The following NT5DC1 variants were observed in gnomAD, a reference collection of about 807,000 sequenced individuals.
NT5DC1 encodes 5'-nucleotidase domain-containing protein 1.
In NT5DC1, 42 loss-of-function variants were observed where a neutral mutation model predicts 59.4. The observed-to-expected ratio is 0.71, with a 90% confidence interval of 0.55 to 0.92. The LOEUF (loss-of-function observed/expected upper bound fraction) is 0.92. Among genes scored for constraint, NT5DC1 ranks in the 40% least tolerant of loss-of-function variants. NT5DC1 has a pLI of 0.00. For synonymous variants in NT5DC1, 172 were observed against 188.1 expected, an observed-to-expected ratio of 0.91 and a Z score of 0.70; for missense variants, 501 against 537.1, an observed-to-expected ratio of 0.93 and a Z score of 0.66.
intron 6 of NT5DC1, among the ~76,000 whole-genome samples, chr6:116,210,497 T>G (rs1353212554): frequency 6.6e-6 from 1 of 151,942 alleles, no homozygotes. Context: ...TTCTGCCACA[T>G]GGTAGCTGTG....
At chr6:116,117,439 A>G (rs772870400) in intron 5 of NT5DC1, among the ~76,000 whole-genome samples, 3 of 152,206 alleles carry the variant, frequency 2.0e-5, no homozygotes, top group African/African-American at 7.2e-5. Context: ...TCCCTAACTT[A>G]TGATGGGGTT....
chr6:116,109,646 T>A (rs1367566743), intron 3 of NT5DC1, among the ~76,000 whole-genome samples: 1 of 152,232 alleles, frequency 6.6e-6, no homozygotes, highest in Non-Finnish European at 1.5e-5. Flanking sequence ...ACCAGTGTAG[T>A]AGATTCCTTT....
At chr6:116,135,872 T>TATATATACACACAC (rs368675402) in intron 6 of NT5DC1, among the ~76,000 whole-genome samples, 14 of 121,296 alleles carry the variant, frequency 1.2e-4, no homozygotes, top group African/African-American at 4.2e-4. Flanking sequence ...TATATATATA[T>TATATATACACACAC]ACACACATAC....
chr6:116,136,447 AT>A (rs761061952), intron 6 of NT5DC1, among the ~76,000 whole-genome samples: 11 of 148,956 alleles, frequency 7.4e-5, no homozygotes, highest in Non-Finnish European at 1.3e-4. Flanking sequence ...GGTTATAGCT[AT>A]TTTTTTTAAG....
At chr6:116,117,242 T>C (rs554919038) in intron 5 of NT5DC1, among the ~76,000 whole-genome samples, 3 of 152,324 alleles carry the variant, frequency 2.0e-5, no homozygotes, top group East Asian at 3.9e-4. Flanking sequence ...TTTTAGACTT[T>C]ATAACGAGTG....
At chr6:116,237,382 CTT>C (rs1208155071) in intron 9 of NT5DC1, 1 of 521,846 alleles carries the variant, frequency 1.9e-6, no homozygotes, top group Non-Finnish European at 3.7e-6. Context: ...TAAAGATACA[CTT>C]GTTTTTGACA....
At chr6:116,153,753 A>G (rs1180173888) in intron 6 of NT5DC1, among the ~76,000 whole-genome samples, 1 of 152,036 alleles carries the variant, frequency 6.6e-6, no homozygotes, top group East Asian at 1.9e-4. Flanking sequence ...AGTCATATTC[A>G]TTTTTATGTT....
At chr6:116,106,157 G>A (rs1778762641) in intron 1 of NT5DC1, 87 bp from the exon 2 acceptor site, 5 of 776,326 alleles carry the variant, frequency 6.4e-6, no homozygotes, top group Non-Finnish European at 1.2e-5. Context: ...GCCCCCATCA[G>A]CAATTCCATT....
intron 6 of NT5DC1, among the ~76,000 whole-genome samples, chr6:116,198,530 G>A (rs1273164335): frequency 6.6e-6 from 1 of 151,816 alleles, no homozygotes; most frequent in Non-Finnish European, 1.5e-5. Flanking sequence ...AGGAGTTCAA[G>A]ACTAGCCTGG....
chr6:116,239,573 C>G (rs1258288755), intron 11 of NT5DC1, among the ~76,000 whole-genome samples: 2 of 152,108 alleles, frequency 1.3e-5, no homozygotes, highest in Non-Finnish European at 1.5e-5. Flanking sequence ...TATGTTGAGG[C>G]CTTGAAGGGC....
chr6:116,238,324 T>G lies in NT5DC1; in HGVS notation c.1059T>G (p.Pro353=). Residue 353 remains proline, a synonymous_variant, in exon 10 of 12, where the codon CCT becomes CCG. Transcript: ENST00000319550. ...GTCAGAGGCCTGAGGAGTCAGAGCC[T>G]CTAGAGAAGAAAGGAAAATATGAGG... ...TRSQRPEESE[P]LEKKGKYEGP... 6.2e-7 allele frequency: 1 copy of G among 1,600,404 alleles called. No individual in the cohort carries two copies. Among genetic ancestry groups the G allele is most frequent in the African/African-American group, 1.3e-5 (1 of 74,096 alleles).
chr6:116,193,850 C>G (rs1384850255), intron 6 of NT5DC1, among the ~76,000 whole-genome samples: 1 of 151,958 alleles, frequency 6.6e-6, no homozygotes, highest in Non-Finnish European at 1.5e-5. Context: ...ACAGGCAGAT[C>G]ACTTGAGCCC....
At chr6:116,216,788 TG>T (rs1415396392) in intron 6 of NT5DC1, among the ~76,000 whole-genome samples, 1 of 152,180 alleles carries the variant, frequency 6.6e-6, no homozygotes, top group East Asian at 1.9e-4. Flanking sequence ...AATATTTCAG[TG>T]TCTCTTAGCA....
At chr6:116,197,333 T>C (rs570877408) in intron 6 of NT5DC1, among the ~76,000 whole-genome samples, 1 of 152,112 alleles carries the variant, frequency 6.6e-6, no homozygotes. Flanking sequence ...TAACTGAACA[T>C]TTTACAAAAT....
At chr6:116,169,113 G>A (rs144442280) in intron 6 of NT5DC1, among the ~76,000 whole-genome samples, 1 of 152,232 alleles carries the variant, frequency 6.6e-6, no homozygotes, top group East Asian at 1.9e-4. Context: ...TCTTGAAGTT[G>A]GTGTTACTGC....
chr6:116,202,766 A>G (rs1361849575), intron 6 of NT5DC1, among the ~76,000 whole-genome samples: 1 of 152,036 alleles, frequency 6.6e-6, no homozygotes, highest in East Asian at 1.9e-4. Flanking sequence ...TAAGACAATG[A>G]CAGCTATTTT....
At chr6:116,173,467 A>G (rs1159655081) in intron 6 of NT5DC1, among the ~76,000 whole-genome samples, 1 of 152,156 alleles carries the variant, frequency 6.6e-6, no homozygotes, top group Non-Finnish European at 1.5e-5. Context: ...TGAGAGAGGT[A>G]GGCAGCCTGT....
At chr6:116,159,748 A>G (rs942963778) in intron 6 of NT5DC1, among the ~76,000 whole-genome samples, 7 of 152,226 alleles carry the variant, frequency 4.6e-5, no homozygotes, top group Non-Finnish European at 8.8e-5. Flanking sequence ...CACTGTACCA[A>G]GTAAGTAACT....
chr6:116,187,979 A>T (rs1400385955), intron 6 of NT5DC1, among the ~76,000 whole-genome samples: 1 of 152,076 alleles, frequency 6.6e-6, no homozygotes, highest in African/African-American at 2.4e-5. Flanking sequence ...ATCTAGTGTA[A>T]AAAAGACCTA....
Sources: gnomAD v4.1 joint callset for allele counts (sites outside exome capture counted in the v4.1 genomes callset) on GRCh38, gnomAD v4.1.1 for gene constraint, MANE v1.5 for transcripts, NCBI Gene and HGNC (gene_info 2026-07-23, HGNC 2026-07-21) for gene names.